The following CMSS1 variants were observed in gnomAD, a reference collection of about 807,000 sequenced individuals.
CMSS1 encodes the protein cms1 ribosomal small subunit homolog.
A neutral mutation model predicts 43.5 loss-of-function variants in CMSS1; 33 were observed. The observed-to-expected ratio is 0.76, with a 90% CI of 0.57 to 1.01. CMSS1 has a LOEUF of 1.01. Ranked by LOEUF, CMSS1 falls within the 50% of genes least tolerant of loss-of-function variation. The pLI is 0.00. For synonymous variants in CMSS1, 115 were observed against 117.2 expected (o/e 0.98, Z 0.12); for missense variants, 313 against 326.4 (o/e 0.96, Z 0.32).
chr3:100,115,006 T>C, intron 1 of CMSS1: 2 of 1,487,538 alleles, frequency 1.3e-6, no homozygotes, highest in Non-Finnish European at 1.8e-6. Flanking sequence ...GTGGTATGTT[T>C]ATTATTATTA....
chr3:100,061,667 T>G (rs2107345952), intron 1 of CMSS1, among the ~76,000 whole-genome samples: 1 of 152,322 alleles, frequency 6.6e-6, no homozygotes, highest in African/African-American at 2.4e-5. Context: ...GCTAAGTGCT[T>G]TACACATATG....
intron 1 of CMSS1, among the ~76,000 whole-genome samples, chr3:100,031,161 A>G (rs1381817056): frequency 2.0e-5 from 3 of 152,132 alleles, no homozygotes; most frequent in Non-Finnish European, 4.4e-5. Flanking sequence ...ATGTACTTAA[A>G]TGTCATATTT....
At chr3:99,962,661 G>C (rs541753332) in intron 1 of CMSS1, among the ~76,000 whole-genome samples, 164 of 152,298 alleles carry the variant, frequency 1.1e-3, no homozygotes, top group African/African-American at 3.8e-3. Flanking sequence ...ATATAGCACT[G>C]TAGGCCTGGT....
At chr3:100,010,392 C>CCTGCCTCTT (rs1308412023) in intron 1 of CMSS1, among the ~76,000 whole-genome samples, 1 of 151,944 alleles carries the variant, frequency 6.6e-6, no homozygotes, top group Non-Finnish European at 1.5e-5. Flanking sequence ...TTGAAAGAAA[C>CCTGCCTCTT]CTGCCTCTTT....
At chr3:99,832,871 T>G (rs1360582790) in intron 1 of CMSS1, among the ~76,000 whole-genome samples, 1 of 150,130 alleles carries the variant, frequency 6.7e-6, no homozygotes, top group Non-Finnish European at 1.5e-5. Flanking sequence ...GTTTTTTTTT[T>G]TTTTCTTGTA....
chr3:100,139,551 G>A lies in CMSS1; in HGVS notation c.65-7422G>A, dbSNP rs1342603310. Among the ~76,000 whole-genome samples, 29 of 148,692 alleles carry A rather than the reference G, an allele frequency of 2.0e-4. No individual in the cohort carries two copies. In the East Asian group the frequency reaches 5.5e-3, roughly 28 times the overall value. ...AAAATGTGTGTGTGTGTGTGTGTGT[G>A]TGTGTGTGTGTGTGTATGTATATAT... On this transcript the variant is annotated intron_variant, in intron 1 of 9. Transcript: ENST00000421999.
intron 1 of CMSS1, among the ~76,000 whole-genome samples, chr3:100,119,439 A>G (rs1209885578): frequency 6.6e-6 from 1 of 152,124 alleles, no homozygotes; most frequent in Non-Finnish European, 1.5e-5. Context: ...GTTTAACCAT[A>G]CTTTACCCTC....
intron 1 of CMSS1, among the ~76,000 whole-genome samples, chr3:100,124,772 G>A (rs1403365697): frequency 1.3e-5 from 2 of 152,194 alleles, no homozygotes; most frequent in Non-Finnish European, 2.9e-5. Context: ...TCTGGGGACA[G>A]GACCTGGCAC....
intron 2 of CMSS1, among the ~76,000 whole-genome samples, chr3:100,157,172 T>A (rs1466627117): frequency 6.6e-6 from 1 of 152,220 alleles, no homozygotes; most frequent in Non-Finnish European, 1.5e-5. Context: ...CATCTCTTTC[T>A]GGGACATTGC....
At chr3:99,824,703 A>G (rs987168613) in intron 1 of CMSS1, among the ~76,000 whole-genome samples, 1 of 152,244 alleles carries the variant, frequency 6.6e-6, no homozygotes, top group Non-Finnish European at 1.5e-5. Context: ...AAATTACATT[A>G]GTAGTCCTTG....
chr3:100,070,692 C>T (rs142745179), intron 1 of CMSS1, among the ~76,000 whole-genome samples: 3,295 of 152,212 alleles, frequency 0.022, 59 homozygotes, highest in Non-Finnish European at 0.033. Context: ...AGTGCAGTGG[C>T]GCAATCTCGG....
chr3:100,147,209 G>A, intron 2 of CMSS1, 148 bp downstream of exon 2: 1 of 720,874 alleles, frequency 1.4e-6, no homozygotes, highest in Non-Finnish European at 2.1e-6. Context: ...AAGGCCATGG[G>A]CCATGCTTCC....
intron 1 of CMSS1, among the ~76,000 whole-genome samples, chr3:99,932,184 C>T (rs1157849199): frequency 6.6e-6 from 1 of 152,084 alleles, no homozygotes; most frequent in African/African-American, 2.4e-5. Context: ...CCTTCTCCTC[C>T]CTTCCCACTC....
At chr3:100,088,510 G>C (rs1188890892) in intron 1 of CMSS1, among the ~76,000 whole-genome samples, 2 of 152,128 alleles carry the variant, frequency 1.3e-5, no homozygotes, top group Non-Finnish European at 2.9e-5. Flanking sequence ...CTTTATATTT[G>C]TAGGAAATGA....
At chr3:100,002,959 A>G (rs1709885737) in intron 1 of CMSS1, among the ~76,000 whole-genome samples, 1 of 152,196 alleles carries the variant, frequency 6.6e-6, no homozygotes, top group Non-Finnish European at 1.5e-5. Flanking sequence ...GGGTTGCATC[A>G]GAGTCCAGGC....
Position 100,099,525 on chromosome 3 carries a change from C to T in CMSS1, c.65-47448C>T, listed in dbSNP as rs183977565. Among the ~76,000 whole-genome samples, 34 of 152,190 alleles carry T rather than the reference C, an allele frequency of 2.2e-4. 1 individual carries two copies. The highest frequency in any genetic ancestry group is 1.4e-3 in the Admixed American group (21 of 15,274). The stretch of plus-strand genomic sequence containing the variant: ...CTAGGTGATATAAAAGTATTTGTAT[C>T]GGTCTAATTATGTATCCTTAACTAA... On this transcript the variant is annotated intron_variant, in intron 1 of 9. Transcript: ENST00000421999.
chr3:99,887,402 A>G (rs1020581192), intron 1 of CMSS1, among the ~76,000 whole-genome samples: 3 of 152,202 alleles, frequency 2.0e-5, no homozygotes, highest in East Asian at 1.9e-4. Flanking sequence ...TGGATTTACT[A>G]TAGTCATTGG....
intron 2 of CMSS1, among the ~76,000 whole-genome samples, chr3:100,154,928 T>G (rs529739530): frequency 6.6e-6 from 1 of 152,296 alleles, no homozygotes; most frequent in African/African-American, 2.4e-5. Context: ...GCTGAGATCA[T>G]GATGCTGCAC....
chr3:99,966,414 A>G (rs988206204), intron 1 of CMSS1, among the ~76,000 whole-genome samples: 8 of 152,020 alleles, frequency 5.3e-5, no homozygotes, highest in South Asian at 4.1e-4. Context: ...TTTTTCGGCT[A>G]TATATAGTTT....
Sources: allele counts gnomAD v4.1 joint callset (sites outside exome capture counted in the v4.1 genomes callset), GRCh38; gene constraint gnomAD v4.1.1; transcripts MANE v1.5; gene names NCBI Gene and HGNC (gene_info 2026-07-23, HGNC 2026-07-21).